Variants in ATP10A observed in about 807,000 individuals in gnomAD.
ATP10A encodes the protein ATPase phospholipid transporting 10A (putative).
A neutral mutation model predicts 147.8 loss-of-function variants in ATP10A; 111 were observed. That is an observed-to-expected ratio of 0.75 (90% CI 0.64 to 0.88). The LOEUF (loss-of-function observed/expected upper bound fraction) is 0.88, where lower values mean the gene tolerates loss of function less well. Ranked by LOEUF, ATP10A falls within the 40% of genes least tolerant of loss-of-function variation. ATP10A has a pLI of 0.00. For missense variants in ATP10A, 1,927 were observed against 1,959.0 expected (o/e 0.98, Z 0.31); for synonymous variants, 875 against 841.6 (o/e 1.04, Z -0.69).
chr15:25,831,898 T>C lies in ATP10A; in HGVS notation c.449+30750A>G, dbSNP rs974348596. ...CGTGACTTTGGCGATTACACTGTGT[T>C]GAATGAATAGTGTCCCCCAAAATTC... On this transcript the variant is annotated intron_variant, in intron 1 of 20. Coordinates refer to ENST00000555815, the MANE Select transcript of ATP10A (RefSeq NM_024490.4). 1.1e-4 allele frequency among the ~76,000 whole-genome samples: 16 copies of C among 152,352 alleles called. 1 individual carries two copies. Among genetic ancestry groups the C allele is most frequent in the African/African-American group, 3.1e-4 (13 of 41,582 alleles).
chr15:25,687,801 G>C lies in ATP10A; in HGVS notation c.3193C>G (p.Pro1065Ala). 1 of 1,613,916 alleles carries C rather than the reference G, an allele frequency of 6.2e-7. No individual in the cohort carries two copies. Among genetic ancestry groups the C allele is most frequent in the East Asian group, 2.2e-5 (1 of 44,818 alleles). Residue 1065 changes from proline to alanine, a missense_variant, in exon 16 of 21, where the codon CCG becomes GCG. Pro to Ala is a conservative substitution (Grantham distance 27). Coordinates refer to ENST00000555815, the MANE Select transcript of ATP10A (RefSeq NM_024490.4). ...QAVMASDFAV[P>A]KFRYLERLLI... ...AGCCTCTCCAGGTATCGGAATTTCG[G>C]CACTGCAAAGTCGCTGGCCATCACT...
chr15:25,812,601 G>GA lies in ATP10A; in HGVS notation c.450-31379dup, dbSNP rs1161797870. 6.6e-5 allele frequency among the ~76,000 whole-genome samples: 10 copies of GA among 152,118 alleles called. 1 individual carries two copies. The highest frequency in any genetic ancestry group is 4.1e-4 in the South Asian group (2 of 4,824). On this transcript the variant is annotated intron_variant, in intron 1 of 20. Transcript: ENST00000555815. The stretch of plus-strand genomic sequence containing the variant: ...CAATCGACCTGACTTAAACACAAAG[G>GA]AAAAAATACTCATTTTGTTCTACTT...
At position 25,679,763 on chromosome 15, in the gene ATP10A, G is replaced by T; in HGVS notation, c.4078C>A (p.Pro1360Thr). The T allele has an allele frequency of 3.1e-6, 5 of 1,613,160 alleles. No individual in the cohort carries two copies. The highest frequency in any genetic ancestry group is 4.2e-6 in the Non-Finnish European group (5 of 1,179,958). Residue 1360 changes from proline (P) to threonine (T), a missense_variant, in exon 21 of 21, where the codon CCG becomes ACG. Transcript: ENST00000555815. ...LSQPSWHTQQ[P>T]VCSLEASGEP... ...CCGCTGGCCTCCAGGGAGCAGACCGGCTGCTGTGTGTGCCAAGAAGGCTGG... is the reference window on the plus strand; with the variant it reads ...CCGCTGGCCTCCAGGGAGCAGACCGTCTGCTGTGTGTGCCAAGAAGGCTGG...
intron 9 of ATP10A, 85 bp downstream of exon 9, chr15:25,716,645 A>AG (rs1901829843): frequency 7.5e-7 from 1 of 1,324,606 alleles, no homozygotes; most frequent in African/African-American, 1.5e-5. Context: ...AGGAAAGGGA[A>AG]GGGCGCCTGC....
Position 25,858,605 on chromosome 15 carries a change from G to C in ATP10A, c.449+4043C>G, listed in dbSNP as rs554843373. Among the ~76,000 whole-genome samples the C allele has an allele frequency of 3.9e-5, 6 of 152,256 alleles. No individual in the cohort carries two copies. In the East Asian group the frequency reaches 1.2e-3, roughly 29 times the overall value. ...CGGGTTGGAGAAATAACCCTGGTGG[G>C]CTGGGAAAATGGAGCGAAAATCAAA... On this transcript the variant is annotated intron_variant, in intron 1 of 20. Coordinates refer to ENST00000555815, the MANE Select transcript of ATP10A (RefSeq NM_024490.4).
chr15:25,687,028 A>AGGTGGGAGAG (rs1899731698), intron 16 of ATP10A, among the ~76,000 whole-genome samples: 1 of 107,192 alleles, frequency 9.3e-6, no homozygotes, highest in Admixed American at 8.9e-5. Flanking sequence ...CAAGCCTGGG[A>AGGTGGGAGAG]GGTGGGAGAG....
chr15:25,849,649 A>T (rs949613239), intron 1 of ATP10A, among the ~76,000 whole-genome samples: 4 of 152,170 alleles, frequency 2.6e-5, no homozygotes, highest in African/African-American at 9.6e-5. Flanking sequence ...ATCAAGGAGG[A>T]GCACGGCGCA....
downstream of ATP10A, among the ~76,000 whole-genome samples, chr15:25,673,098 CA>C (rs1315657791): frequency 2.0e-5 from 3 of 152,086 alleles, no homozygotes; most frequent in Non-Finnish European, 4.4e-5. Flanking sequence ...CAGGGCCCCT[CA>C]GGGGCTCTGA....
downstream of ATP10A, among the ~76,000 whole-genome samples, chr15:25,673,571 C>T (rs779099568): frequency 6.6e-6 from 1 of 152,210 alleles, no homozygotes; most frequent in Non-Finnish European, 1.5e-5. Flanking sequence ...CGTTGCCCTT[C>T]CAAGTGACGG....
At chr15:25,760,877 C>T (rs1888724660) in intron 2 of ATP10A, among the ~76,000 whole-genome samples, 1 of 152,092 alleles carries the variant, frequency 6.6e-6, no homozygotes, top group Admixed American at 6.6e-5. Context: ...CATGTGCCTA[C>T]CATATGTTTC....
chr15:25,738,224 T>G (rs538695147), intron 2 of ATP10A, among the ~76,000 whole-genome samples: 4 of 152,170 alleles, frequency 2.6e-5, no homozygotes, highest in Admixed American at 2.6e-4. Flanking sequence ...AAACCAGCTT[T>G]GAGGTCATGC....
intron 1 of ATP10A, among the ~76,000 whole-genome samples, chr15:25,832,116 A>G (rs562408184): frequency 2.5e-4 from 38 of 152,346 alleles, no homozygotes; most frequent in African/African-American, 6.7e-4. Context: ...GACAGAAATC[A>G]GATCAACGTG....
chr15:25,857,466 T>G (rs1021201169), intron 1 of ATP10A, among the ~76,000 whole-genome samples: 2 of 152,148 alleles, frequency 1.3e-5, no homozygotes, highest in Non-Finnish European at 2.9e-5. Context: ...TAATTTTTTT[T>G]AGGTATGATA....
rs563777651 is a variant in ATP10A at position 25,781,511 on chromosome 15, C to T, written c.450-288G>A. Among the ~76,000 whole-genome samples the T allele has an allele frequency of 2.1e-3, 314 of 152,010 alleles. 4 individuals carry two copies. The South Asian group carries it at 0.023, about 11-fold the overall frequency. On this transcript the variant is annotated intron_variant, in intron 1 of 20. Transcript: ENST00000555815. ...CTCTACTAAAAATACAAAAATTAGCCGGGTGCGGTGGTGCGTGCCTGTAGT... is the reference window on the plus strand; with the variant it reads ...CTCTACTAAAAATACAAAAATTAGCTGGGTGCGGTGGTGCGTGCCTGTAGT...
Position 25,743,255 on chromosome 15 carries a change from G to C in ATP10A, c.655-7114C>G, listed in dbSNP as rs143062391. 1.4e-3 allele frequency among the ~76,000 whole-genome samples: 211 copies of C among 152,324 alleles called. 2 individuals are homozygous for C. Among genetic ancestry groups the C allele is most frequent in the African/African-American group, 4.7e-3 (195 of 41,572 alleles). ...AACCTCTTGCGCTAATCTGGGGAAT[G>C]ATTCCAAGACTGAAATGGCAACAGA... On this transcript the variant is annotated intron_variant, in intron 2 of 20. Transcript: ENST00000555815.
intron 1 of ATP10A, among the ~76,000 whole-genome samples, chr15:25,798,574 A>C (rs191645756): frequency 1.4e-4 from 22 of 152,342 alleles, no homozygotes; most frequent in African/African-American, 5.3e-4. Flanking sequence ...AGCCTACTGC[A>C]GCCTCTACGT....
At chr15:25,714,279 G>T in intron 9 of ATP10A, 38 bp from the exon 10 acceptor site, 1 of 1,584,376 alleles carries the variant, frequency 6.3e-7, no homozygotes, top group Non-Finnish European at 8.6e-7. Context: ...TGAGGGAACT[G>T]CTATGTCCCC....
intron 2 of ATP10A, among the ~76,000 whole-genome samples, chr15:25,776,046 A>G (rs368671685): frequency 6.0e-4 from 91 of 152,358 alleles, no homozygotes; most frequent in African/African-American, 2.0e-3. Flanking sequence ...CACCTCCTAG[A>G]ATGGCGTTAG....
intron 1 of ATP10A, among the ~76,000 whole-genome samples, chr15:25,822,003 C>A (rs910803379): frequency 1.3e-5 from 2 of 152,124 alleles, no homozygotes; most frequent in African/African-American, 4.8e-5. Flanking sequence ...TTCACAGATG[C>A]GGAAGTTTCT....
Sources: gnomAD v4.1 joint callset for allele counts (sites outside exome capture counted in the v4.1 genomes callset) on GRCh38, gnomAD v4.1.1 for gene constraint, MANE v1.5 for transcripts, NCBI Gene and HGNC (gene_info 2026-07-23, HGNC 2026-07-21) for gene names.